The following PCDH11X variants were observed in gnomAD, a reference collection of about 807,000 sequenced individuals.
PCDH11X encodes the protein protocadherin 11 X-linked.
In PCDH11X, 18 loss-of-function variants were observed where a neutral mutation model predicts 53.3. The ratio of observed to expected loss-of-function variants is 0.34; its 90% CI spans 0.23 to 0.50. PCDH11X has a LOEUF of 0.50. Among genes scored for constraint, PCDH11X ranks in the 20% least tolerant of loss-of-function variants. PCDH11X has a pLI of 0.98. For synonymous variants in PCDH11X, 279 were observed against 393.3 expected, an observed-to-expected ratio of 0.71 and a Z score of 3.44; for missense variants, 570 against 1,032.4, an observed-to-expected ratio of 0.55 and a Z score of 6.14.
chrX:91,902,918 G>T (rs993337605), intron 6 of PCDH11X, among the ~76,000 whole-genome samples: 13 of 109,810 alleles, frequency 1.2e-4, no homozygotes, highest in African/African-American at 4.0e-4. Context: ...TAATGAAAAT[G>T]ATAGCAGATA....
chrX:92,251,186 AAC>A (rs2067455072), intron 7 of PCDH11X, among the ~76,000 whole-genome samples: 1 of 110,956 alleles, frequency 9.0e-6, no homozygotes, highest in African/African-American at 3.3e-5. Flanking sequence ...GCAAAAGGGT[AAC>A]ACAGGTAAAG....
chrX:92,241,031 C>A (rs1265890796), intron 7 of PCDH11X, among the ~76,000 whole-genome samples: 1 of 110,869 alleles, frequency 9.0e-6, no homozygotes, highest in Non-Finnish European at 1.9e-5. Flanking sequence ...GGTTACACTG[C>A]CTCAGAAGAA....
intron 9 of PCDH11X, among the ~76,000 whole-genome samples, chrX:92,438,016 T>C (rs1048464762): frequency 2.7e-5 from 3 of 111,918 alleles, no homozygotes; most frequent in Non-Finnish European, 5.7e-5. Flanking sequence ...TGGCCAGTTG[T>C]GTGCTTTGAA....
At chrX:92,313,188 T>A (rs1002489805) in intron 8 of PCDH11X, among the ~76,000 whole-genome samples, 3 of 111,313 alleles carry the variant, frequency 2.7e-5, no homozygotes, top group Non-Finnish European at 5.7e-5. Context: ...TGTGTACATT[T>A]TTTTTTTCTG....
intron 9 of PCDH11X, among the ~76,000 whole-genome samples, chrX:92,466,320 A>C (rs58797293): frequency 4.6e-5 from 5 of 109,072 alleles, no homozygotes; most frequent in Non-Finnish European, 7.7e-5. Context: ...AAAAATGTCA[A>C]TGATAAACCT....
intron 6 of PCDH11X, among the ~76,000 whole-genome samples, chrX:92,092,718 G>A (rs60896611): frequency 0.033 from 3,660 of 111,554 alleles, 115 homozygotes; most frequent in African/African-American, 0.093. Flanking sequence ...CTTCGAACAG[G>A]AGGCAGATTT....
intron 6 of PCDH11X, among the ~76,000 whole-genome samples, chrX:91,906,872 G>A (rs1193043610): frequency 8.1e-5 from 9 of 110,849 alleles, no homozygotes; most frequent in Non-Finnish European, 1.9e-5. Context: ...CAAACAAAAT[G>A]TTTGTGAAAT....
intron 9 of PCDH11X, among the ~76,000 whole-genome samples, chrX:92,389,925 C>T (rs1389384355): frequency 3.7e-5 from 4 of 108,544 alleles, no homozygotes; most frequent in Admixed American, 1.0e-4. Flanking sequence ...CATTAAATAT[C>T]TTGTTCATAT....
At chrX:92,145,928 T>G (rs1361812705) in intron 6 of PCDH11X, among the ~76,000 whole-genome samples, 1 of 101,970 alleles carries the variant, frequency 9.8e-6, no homozygotes, top group Non-Finnish European at 2.0e-5. Flanking sequence ...TTCCAAAGTT[T>G]ATTTTTTCTT....
At chrX:92,611,574 T>A (rs1282788649) in intron 10 of PCDH11X, among the ~76,000 whole-genome samples, 1 of 109,141 alleles carries the variant, frequency 9.2e-6, no homozygotes, top group Non-Finnish European at 1.9e-5. Flanking sequence ...TCCCTTTAGT[T>A]CTTTATCTTT....
intron 8 of PCDH11X, among the ~76,000 whole-genome samples, chrX:92,283,116 C>T (rs887227756): frequency 1.8e-4 from 20 of 111,189 alleles, no homozygotes; most frequent in African/African-American, 4.9e-4. Context: ...AAGCAATAAA[C>T]ATTCCCAGAT....
intron 1 of PCDH11X, among the ~76,000 whole-genome samples, chrX:91,785,332 C>T (rs1236935228): frequency 9.3e-6 from 1 of 107,678 alleles, no homozygotes; most frequent in Non-Finnish European, 1.9e-5. Flanking sequence ...GATTTTAAAG[C>T]CTGTGTCAAC....
intron 6 of PCDH11X, among the ~76,000 whole-genome samples, chrX:92,134,082 G>A (rs111457607): frequency 0.031 from 3,445 of 111,439 alleles, 143 homozygotes; most frequent in African/African-American, 0.11. Flanking sequence ...TTTCTGATTA[G>A]CATTTCACGG....
chrX:92,533,130 C>T (rs2074589646), intron 10 of PCDH11X, among the ~76,000 whole-genome samples: 1 of 110,693 alleles, frequency 9.0e-6, no homozygotes, highest in Non-Finnish European at 1.9e-5. Context: ...ATATCATTTT[C>T]AAAACAGAAT....
intron 4 of PCDH11X, among the ~76,000 whole-genome samples, chrX:91,817,700 A>G (rs1239934948): frequency 1.8e-5 from 2 of 111,247 alleles, no homozygotes; most frequent in Non-Finnish European, 3.8e-5. Context: ...ACACAGCAAG[A>G]GGTACTATAT....
intron 9 of PCDH11X, among the ~76,000 whole-genome samples, chrX:92,414,590 G>C (rs1164281941): frequency 2.8e-5 from 3 of 105,545 alleles, no homozygotes; most frequent in South Asian, 4.4e-4. Context: ...ACCAATATCT[G>C]TCTTTAACTC....
chrX:91,858,811 A>G (rs1253285662), intron 5 of PCDH11X, among the ~76,000 whole-genome samples: 1 of 110,014 alleles, frequency 9.1e-6, no homozygotes, highest in African/African-American at 3.3e-5. Context: ...TTCACTATCA[A>G]CATTTTGGTC....
chrX:92,350,140 A>G (rs1407490479), intron 8 of PCDH11X, among the ~76,000 whole-genome samples: 1 of 109,393 alleles, frequency 9.1e-6, no homozygotes, highest in Non-Finnish European at 1.9e-5. Flanking sequence ...ATCTTGTTTC[A>G]TTTTTTTGAT....
intron 9 of PCDH11X, among the ~76,000 whole-genome samples, chrX:92,422,097 G>A (rs1229565726): frequency 3.7e-4 from 40 of 106,779 alleles, no homozygotes; most frequent in Middle Eastern, 4.9e-3. Context: ...GTTATATACC[G>A]GCTCAGTGAA....
Sources: gnomAD v4.1 joint callset for allele counts (sites outside exome capture counted in the v4.1 genomes callset) on GRCh38, gnomAD v4.1.1 for gene constraint, MANE v1.5 for transcripts, NCBI Gene and HGNC (gene_info 2026-07-23, HGNC 2026-07-21) for gene names.